Variants in STK3 observed in about 807,000 individuals in gnomAD.
The protein encoded by STK3 is serine/threonine kinase 3.
In STK3, 41 loss-of-function variants were observed where a neutral mutation model predicts 58.0. That is an observed-to-expected ratio of 0.71 (90% CI 0.55 to 0.92). The LOEUF (loss-of-function observed/expected upper bound fraction) is 0.92. Among genes scored for constraint, STK3 ranks in the 40% least tolerant of loss-of-function variants. The pLI is 0.00. For synonymous variants in STK3, 170 were observed against 191.0 expected (o/e 0.89, Z 0.91); for missense variants, 479 against 602.7 (o/e 0.79, Z 2.15).
At chr8:98,446,523 T>G (rs1449081517) in intron 1 of STK3, among the ~76,000 whole-genome samples, 1 of 152,196 alleles carries the variant, frequency 6.6e-6, no homozygotes, top group Admixed American at 6.5e-5. Flanking sequence ...GTAAGACTTC[T>G]GATCATTAGA....
At chr8:98,691,847 G>C (rs1229210573) in intron 6 of STK3, among the ~76,000 whole-genome samples, 1 of 151,188 alleles carries the variant, frequency 6.6e-6, no homozygotes, top group South Asian at 2.1e-4. Flanking sequence ...CAGGAGAATC[G>C]CTTGAACCTG....
At chr8:98,708,714 G>A (rs1430357601) in intron 4 of STK3, among the ~76,000 whole-genome samples, 1 of 152,182 alleles carries the variant, frequency 6.6e-6, no homozygotes, top group African/African-American at 2.4e-5. Flanking sequence ...TGAAATCACA[G>A]GAAATATTTG....
intron 1 of STK3, among the ~76,000 whole-genome samples, chr8:98,919,329 G>A (rs1839462168): frequency 6.6e-6 from 1 of 152,208 alleles, no homozygotes; most frequent in Non-Finnish European, 1.5e-5. Context: ...ACAAATCAGT[G>A]TGTTGTCTTA....
At chr8:98,710,373 A>G (rs1826305663) in intron 4 of STK3, among the ~76,000 whole-genome samples, 2 of 152,216 alleles carry the variant, frequency 1.3e-5, no homozygotes, top group African/African-American at 4.8e-5. Context: ...GCAAGGGGTC[A>G]GGGAATTCCC....
At chr8:98,738,792 C>T (rs559126741) in intron 4 of STK3, among the ~76,000 whole-genome samples, 6 of 152,356 alleles carry the variant, frequency 3.9e-5, no homozygotes, top group African/African-American at 1.4e-4. Context: ...CGAGGCATTG[C>T]CTCACTCGGG....
intron 1 of STK3, among the ~76,000 whole-genome samples, chr8:98,886,671 A>T (rs979344721): frequency 1.3e-5 from 2 of 152,224 alleles, no homozygotes; most frequent in Admixed American, 1.3e-4. Context: ...CCAGAAAAAG[A>T]GAGAAACAGT....
intron 10 of STK3, among the ~76,000 whole-genome samples, chr8:98,458,425 C>T (rs1819674825): frequency 6.6e-6 from 1 of 151,986 alleles, no homozygotes. Context: ...TAATTTATTG[C>T]TATTACTATT....
intron 3 of STK3, chr8:98,412,930 T>C: frequency 3.7e-6 from 1 of 267,348 alleles, no homozygotes; most frequent in South Asian, 4.1e-5. Context: ...CTATAATTTT[T>C]CACTTTCACC....
chr8:98,868,672 T>G (rs1837236525), intron 3 of STK3, among the ~76,000 whole-genome samples: 1 of 152,140 alleles, frequency 6.6e-6, no homozygotes, highest in African/African-American at 2.4e-5. Flanking sequence ...AATGTGAACT[T>G]ATTTAGAAAA....
At chr8:98,721,510 A>C (rs1409239837) in intron 4 of STK3, among the ~76,000 whole-genome samples, 1 of 151,970 alleles carries the variant, frequency 6.6e-6, no homozygotes, top group Non-Finnish European at 1.5e-5. Flanking sequence ...CTCTAAAAAA[A>C]ACTAAATAAA....
upstream of STK3, chr8:98,825,803 GCCCCGCCC>G (rs1835248589): frequency 1.5e-5 from 1 of 65,002 alleles, no homozygotes; most frequent in Non-Finnish European, 3.1e-5. Flanking sequence ...CGGCCGCCCC[GCCCCGCCC>G]CCGGCCGCCC....
chr8:98,426,792 C>T (rs1818239371), intron 3 of STK3, among the ~76,000 whole-genome samples: 1 of 152,152 alleles, frequency 6.6e-6, no homozygotes, highest in African/African-American at 2.4e-5. Flanking sequence ...ACAGCTGTCA[C>T]CGGGGGATGG....
At chr8:98,551,842 G>C (rs982499837) in intron 8 of STK3, among the ~76,000 whole-genome samples, 4 of 152,048 alleles carry the variant, frequency 2.6e-5, no homozygotes, top group Admixed American at 6.6e-5. Context: ...TATTTAGGTT[G>C]ACACGTTCAA....
intron 7 of STK3, among the ~76,000 whole-genome samples, chr8:98,585,935 C>T (rs1304586244): frequency 2.0e-4 from 30 of 152,014 alleles, no homozygotes; most frequent in African/African-American, 2.7e-4. Flanking sequence ...GTGATTTTTG[C>T]ACATTGATTT....
chr8:98,643,236 T>C (rs923000254), intron 6 of STK3, among the ~76,000 whole-genome samples: 2 of 151,978 alleles, frequency 1.3e-5, no homozygotes, highest in Non-Finnish European at 2.9e-5. Context: ...TAAAATACAA[T>C]AAATGAAAGC....
intron 3 of STK3, among the ~76,000 whole-genome samples, chr8:98,848,011 CTGT>C (rs1350689968): frequency 6.6e-6 from 1 of 152,170 alleles, no homozygotes; most frequent in East Asian, 1.9e-4. Context: ...ATTCAGCATG[CTGT>C]TTAGGTTAAA....
intron 8 of STK3, among the ~76,000 whole-genome samples, chr8:98,548,371 A>G (rs1198895076): frequency 6.6e-6 from 1 of 152,184 alleles, no homozygotes; most frequent in African/African-American, 2.4e-5. Flanking sequence ...CAGATCAAGC[A>G]ACAGAAACTG....
Position 98,621,351 on chromosome 8 carries a change from G to C in STK3, c.685-25182C>G, listed in dbSNP as rs536824175. Among the ~76,000 whole-genome samples the C allele has an allele frequency of 9.2e-5, 14 of 152,222 alleles. 1 individual carries two copies. The South Asian group carries it at 2.9e-3, about 32-fold the overall frequency. ...TAGAAAATCATATCATCTACAAAAG[G>C]AGATGGTTTCATTTCTACCTTTCCA... On this transcript the variant is annotated intron_variant, in intron 6 of 10. Coordinates refer to ENST00000419617, the MANE Select transcript of STK3 (RefSeq NM_006281.4).
intron 8 of STK3, among the ~76,000 whole-genome samples, chr8:98,561,648 C>T (rs917507730): frequency 6.6e-6 from 1 of 151,932 alleles, no homozygotes. Flanking sequence ...AGAATGAGAC[C>T]CTGTCTCTAA....
Sources: gnomAD v4.1 joint callset for allele counts (sites outside exome capture counted in the v4.1 genomes callset) on GRCh38, gnomAD v4.1.1 for gene constraint, MANE v1.5 for transcripts, NCBI Gene and HGNC (gene_info 2026-07-23, HGNC 2026-07-21) for gene names.